CGRRF1: variants seen among roughly 807,000 people sequenced by gnomAD.
CGRRF1 encodes cell growth regulator with ring finger domain 1.
CGRRF1 carries 32 observed loss-of-function variants against 37.2 expected under a neutral mutation model. The ratio of observed to expected loss-of-function variants is 0.86; its 90% CI spans 0.65 to 1.16. The LOEUF is 1.16. Among genes scored for constraint, CGRRF1 ranks in the 50% most tolerant of loss-of-function variants. The probability of loss-of-function intolerance (pLI) is 0.00; values close to 1 mark genes in which losing one functional copy is unlikely to be tolerated. For synonymous variants in CGRRF1, 141 were observed against 140.3 expected (o/e 1.00, Z -0.04); for missense variants, 391 against 382.6 (o/e 1.02, Z -0.18).
chr14:54,514,174 T>C (rs1189226625), intron 1 of CGRRF1, among the ~76,000 whole-genome samples: 1 of 152,182 alleles, frequency 6.6e-6, no homozygotes. Context: ...TTGCCTAGTA[T>C]AGGGACAAAA....
chr14:54,527,401 T>A (rs1414926859), intron 2 of CGRRF1, among the ~76,000 whole-genome samples: 1 of 152,122 alleles, frequency 6.6e-6, no homozygotes, highest in African/African-American at 2.4e-5. Context: ...ACATGGCACA[T>A]GTATACATAT....
intron 1 of CGRRF1, among the ~76,000 whole-genome samples, chr14:54,511,957 A>C (rs991580040): frequency 1.3e-5 from 2 of 152,234 alleles, no homozygotes; most frequent in African/African-American, 4.8e-5. Flanking sequence ...CCACGTAGAT[A>C]AACTTTTTAC....
intron 1 of CGRRF1, among the ~76,000 whole-genome samples, chr14:54,516,384 A>G (rs1043668035): frequency 6.6e-6 from 1 of 151,924 alleles, no homozygotes; most frequent in African/African-American, 2.4e-5. Context: ...AAAAGTCTTT[A>G]TTTTGCTTTG....
intron 1 of CGRRF1, among the ~76,000 whole-genome samples, chr14:54,521,694 A>T (rs1227367171): frequency 6.6e-6 from 1 of 151,886 alleles, no homozygotes; most frequent in Non-Finnish European, 1.5e-5. Context: ...TATTAATGAC[A>T]GGGTTTCACT....
At chr14:54,531,968 G>A (rs2032522764) in intron 4 of CGRRF1, among the ~76,000 whole-genome samples, 2 of 152,056 alleles carry the variant, frequency 1.3e-5, no homozygotes, top group African/African-American at 2.4e-5. Flanking sequence ...TGCAAAGTAC[G>A]TTCACAAACA....
Position 54,535,684 on chromosome 14 carries a change from C to G in CGRRF1, c.571-2038C>G, listed in dbSNP as rs1000467493. ...TTTTTATTAAAAAAAATTTTTTTGT[C>G]CTAGATTTAACATCCATTGATGATT... On this transcript the variant is annotated intron_variant, in intron 4 of 5. Transcript: ENST00000216420. 5.1e-4 allele frequency among the ~76,000 whole-genome samples: 78 copies of G among 151,932 alleles called. 2 individuals are homozygous for G. The highest frequency in any genetic ancestry group is 1.5e-5 in the Non-Finnish European group (1 of 67,982).
intron 3 of CGRRF1, 54 bp from the exon 4 acceptor site, chr14:54,530,849 T>G (rs906337615): frequency 4.5e-6 from 6 of 1,334,084 alleles, no homozygotes; most frequent in Middle Eastern, 1.9e-4. Context: ...TCATTTTTGG[T>G]GTATTTTTGT....
intron 4 of CGRRF1, chr14:54,535,998 C>G (rs1474906136): frequency 6.6e-6 from 1 of 152,178 alleles, no homozygotes; most frequent in East Asian, 1.9e-4. Flanking sequence ...TGGATTAGTT[C>G]TCTCAAAAGT....
At chr14:54,527,396 G>A (rs908146625) in intron 2 of CGRRF1, among the ~76,000 whole-genome samples, 8 of 152,040 alleles carry the variant, frequency 5.3e-5, no homozygotes, top group African/African-American at 1.4e-4. Flanking sequence ...CACCAACATG[G>A]CACATGTATA....
intron 4 of CGRRF1, among the ~76,000 whole-genome samples, chr14:54,531,747 T>C (rs1236677592): frequency 6.6e-6 from 1 of 152,162 alleles, no homozygotes; most frequent in African/African-American, 2.4e-5. Flanking sequence ...TGATTCCTAT[T>C]AGGAAGTTAA....
In CGRRF1 at chr14:54,539,031, C is replaced by T. The variant is rs1162487709; in HGVS notation, c.*648C>T. On this transcript the variant is annotated 3_prime_UTR_variant, in exon 6 of 6. Transcript: ENST00000216420. ...CTATAGGAGGCAGATATATAAAATT[C>T]GGATAATAAGATTTTTTGGATAATT... The T allele has an allele frequency of 8.5e-5, 13 of 152,062 alleles. No homozygotes were observed. Among genetic ancestry groups the T allele is most frequent in the African/African-American group, 2.4e-4 (10 of 41,400 alleles). 9.4% of individuals were successfully genotyped at this position (152,062 alleles called of 1,614,324 possible).
rs1594660141 is a variant in CGRRF1, at chr14:54,538,969, C to T, written c.*586C>T. On this transcript the variant is annotated 3_prime_UTR_variant, in exon 6 of 6. Transcript: ENST00000216420. Reference sequence around the variant, plus strand: ...TAAATCATAAATACAAGATATAATTCTTGACTGTTCTCCGTGTATTATAAA... The same window carrying T: ...TAAATCATAAATACAAGATATAATTTTTGACTGTTCTCCGTGTATTATAAA... 6.6e-6 allele frequency: 1 copy of T among 152,206 alleles called. No individual in the cohort carries two copies. Among genetic ancestry groups the T allele is most frequent in the Non-Finnish European group, 1.5e-5 (1 of 68,078 alleles). The allele number at this position is 152,206 out of a possible 1,614,324, so 9.4% of individuals were successfully genotyped here.
At chr14:54,525,907 C>G (rs2032403301) in intron 2 of CGRRF1, among the ~76,000 whole-genome samples, 1 of 151,922 alleles carries the variant, frequency 6.6e-6, no homozygotes, top group African/African-American at 2.4e-5. Flanking sequence ...ACCAGCCTGG[C>G]CAACATGGCG....
At chr14:54,521,966 A>T (rs1283042871) in intron 1 of CGRRF1, among the ~76,000 whole-genome samples, 2 of 152,228 alleles carry the variant, frequency 1.3e-5, no homozygotes, top group Admixed American at 6.5e-5. Flanking sequence ...GTTTTCAAGA[A>T]TGTGTTGATT....
chr14:54,518,198 A>C (rs756570192), intron 1 of CGRRF1, among the ~76,000 whole-genome samples: 2 of 152,204 alleles, frequency 1.3e-5, no homozygotes, highest in African/African-American at 4.8e-5. Flanking sequence ...AGGAATTGCC[A>C]TACTGTCTTC....
intron 2 of CGRRF1, among the ~76,000 whole-genome samples, chr14:54,528,556 A>G (rs939654392): frequency 7.9e-5 from 12 of 151,550 alleles, no homozygotes; most frequent in African/African-American, 2.9e-4. Flanking sequence ...TTTCGTATCT[A>G]CCTCCAGCTT....
At chr14:54,527,660 C>CT (rs965603271) in intron 2 of CGRRF1, among the ~76,000 whole-genome samples, 9 of 150,216 alleles carry the variant, frequency 6.0e-5, no homozygotes, top group East Asian at 5.9e-4. Context: ...GGGGCTCTGG[C>CT]TTTTTTTTTC....
chr14:54,515,286 G>T (rs1241846233), intron 1 of CGRRF1, among the ~76,000 whole-genome samples: 2 of 151,514 alleles, frequency 1.3e-5, no homozygotes, highest in Admixed American at 1.3e-4. Flanking sequence ...TAGAGATGGG[G>T]TTTCATCATG....
intron 4 of CGRRF1, chr14:54,537,086 T>C (rs1247417409): frequency 1.3e-5 from 2 of 152,218 alleles, no homozygotes; most frequent in African/African-American, 4.8e-5. Flanking sequence ...AAAAACTCTT[T>C]GGTGATTTGA....
Sources: gnomAD v4.1 joint callset for allele counts (sites outside exome capture counted in the v4.1 genomes callset) on GRCh38, gnomAD v4.1.1 for gene constraint, MANE v1.5 for transcripts, NCBI Gene and HGNC (gene_info 2026-07-23, HGNC 2026-07-21) for gene names.